The following B3GALT1 variants were observed in gnomAD, a reference collection of about 807,000 sequenced individuals.
The protein encoded by B3GALT1 is beta-1,3-galactosyltransferase 1.
In B3GALT1, 10 loss-of-function variants were observed where a neutral mutation model predicts 23.2. The observed-to-expected ratio is 0.43, with a 90% CI of 0.27 to 0.73. The LOEUF (loss-of-function observed/expected upper bound fraction) is 0.73, where lower values mean the gene tolerates loss of function less well. B3GALT1 is among the 30% of genes least tolerant of loss of function. The pLI, the probability that B3GALT1 is intolerant of heterozygous loss-of-function variation, is 0.21. For synonymous variants in B3GALT1, 156 were observed against 141.5 expected, an observed-to-expected ratio of 1.10 and a Z score of -0.73; for missense variants, 299 against 405.4, an observed-to-expected ratio of 0.74 and a Z score of 2.25.
chr2:167,662,267 G>T (rs963047478), intron 3 of B3GALT1, among the ~76,000 whole-genome samples: 1 of 151,940 alleles, frequency 6.6e-6, no homozygotes, highest in African/African-American at 2.4e-5. Flanking sequence ...TATATAAATA[G>T]CCTGTTCTTT....
intron 3 of B3GALT1, among the ~76,000 whole-genome samples, chr2:167,678,476 A>AT (rs60566692): frequency 0.43 from 65,304 of 151,358 alleles, 15,682 homozygotes; most frequent in Non-Finnish European, 0.54. Flanking sequence ...GCACCTTATT[A>AT]TTTTTTTTAG....
At chr2:167,651,854 C>T (rs193198727) in intron 3 of B3GALT1, among the ~76,000 whole-genome samples, 123 of 152,132 alleles carry the variant, frequency 8.1e-4, no homozygotes, top group African/African-American at 2.9e-3. Context: ...ATGGTGTTAC[C>T]CAGGAAGTAT....
intron 4 of B3GALT1, among the ~76,000 whole-genome samples, chr2:167,854,745 A>G (rs1348630542): frequency 1.3e-5 from 2 of 152,190 alleles, no homozygotes; most frequent in African/African-American, 4.8e-5. Context: ...TTCCAGGAAG[A>G]AAAGCTAAGG....
intron 1 of B3GALT1, among the ~76,000 whole-genome samples, chr2:167,488,575 T>G (rs373620291): frequency 6.6e-6 from 1 of 152,216 alleles, no homozygotes; most frequent in Non-Finnish European, 1.5e-5. Context: ...CTCGGTCCTA[T>G]TGTTTGTCTG....
At position 167,862,061 on chromosome 2, in the gene B3GALT1, T is replaced by C. The variant is rs115912732; in HGVS notation, c.-229-6750T>C. Among the ~76,000 whole-genome samples the C allele has an allele frequency of 5.0e-3, 762 of 152,322 alleles. 7 individuals are homozygous for C. Among genetic ancestry groups the C allele is most frequent in the African/African-American group, 0.017 (716 of 41,576 alleles). On this transcript the variant is annotated intron_variant, in intron 4 of 4. Coordinates refer to ENST00000392690, the MANE Select transcript of B3GALT1 (RefSeq NM_020981.4). ...GATTGCCAAGCCAATTCGGTGTAAC[T>C]GGCAACCAAGACATAAGAAATCAGT...
At chr2:167,695,146 T>C (rs1686773112) in intron 3 of B3GALT1, among the ~76,000 whole-genome samples, 1 of 152,158 alleles carries the variant, frequency 6.6e-6, no homozygotes, top group Non-Finnish European at 1.5e-5. Context: ...AAATCAGAAG[T>C]AAGTTTTACT....
intron 3 of B3GALT1, among the ~76,000 whole-genome samples, chr2:167,778,593 G>C (rs1688200553): frequency 6.6e-6 from 1 of 152,174 alleles, no homozygotes; most frequent in African/African-American, 2.4e-5. Flanking sequence ...ACTCAGAATA[G>C]AGACCCAATA....
intron 1 of B3GALT1, among the ~76,000 whole-genome samples, chr2:167,474,751 C>A (rs922062280): frequency 6.6e-6 from 1 of 152,152 alleles, no homozygotes; most frequent in African/African-American, 2.4e-5. Context: ...ATTCTAGTTT[C>A]TTATTATTAT....
At chr2:167,590,186 A>C (rs1684654478) in intron 2 of B3GALT1, among the ~76,000 whole-genome samples, 1 of 151,992 alleles carries the variant, frequency 6.6e-6, no homozygotes, top group Non-Finnish European at 1.5e-5. Flanking sequence ...CTCTACTAAA[A>C]ATACAAAAAA....
rs1558974697 is a variant in B3GALT1 at position 167,774,473 on chromosome 2, T to TTTTTTTTGTTTG, written c.-351-44192_-351-44191insGTTTGTTTTTTT. ...TCTGTAGTTTTTCTGTGTTTATTGG[T>TTTTTTTTGTTTG]TTTTTTTTTTTGTTTTTTTTTTTGT... On this transcript the variant is annotated intron_variant, in intron 3 of 4. Transcript: ENST00000392690. 3.7e-4 allele frequency among the ~76,000 whole-genome samples: 45 copies of TTTTTTTTGTTTG among 120,492 alleles called. 2 individuals are homozygous for TTTTTTTTGTTTG. The highest frequency in any genetic ancestry group is 5.9e-4 in the Non-Finnish European group (36 of 60,972). The allele number at this position is 120,492 out of a possible 152,430, so 79.0% of individuals were successfully genotyped here.
chr2:167,808,330 T>A (rs1469989252), intron 3 of B3GALT1, among the ~76,000 whole-genome samples: 1 of 151,586 alleles, frequency 6.6e-6, no homozygotes, highest in Non-Finnish European at 1.5e-5. Context: ...TATGTGTGAA[T>A]TTGATCCTGT....
At chr2:167,325,131 A>C (rs145907204) in intron 1 of B3GALT1, among the ~76,000 whole-genome samples, 56 of 152,280 alleles carry the variant, frequency 3.7e-4, no homozygotes, top group African/African-American at 1.3e-3. Context: ...GGTTGATTCT[A>C]TATCATTGAG....
chr2:167,443,535 C>G (rs1197642425), intron 1 of B3GALT1, among the ~76,000 whole-genome samples: 2 of 151,764 alleles, frequency 1.3e-5, no homozygotes, highest in Non-Finnish European at 2.9e-5. Context: ...TTTGTGTCCT[C>G]TTTTATTTCG....
intron 1 of B3GALT1, among the ~76,000 whole-genome samples, chr2:167,444,188 G>C (rs989796844): frequency 2.6e-5 from 4 of 152,192 alleles, no homozygotes; most frequent in Admixed American, 2.0e-4. Context: ...TGCATATTTT[G>C]AACCAGCCTT....
At chr2:167,544,107 G>A (rs1321864215) in intron 2 of B3GALT1, among the ~76,000 whole-genome samples, 1 of 152,126 alleles carries the variant, frequency 6.6e-6, no homozygotes, top group East Asian at 1.9e-4. Flanking sequence ...CAGAATACAT[G>A]CGTCCCCCAG....
At chr2:167,478,742 G>A (rs375089621) in intron 1 of B3GALT1, among the ~76,000 whole-genome samples, 5 of 151,396 alleles carry the variant, frequency 3.3e-5, no homozygotes, top group South Asian at 2.1e-4. Flanking sequence ...ATAGGCCCCG[G>A]TGTGTGATGT....
intron 2 of B3GALT1, among the ~76,000 whole-genome samples, chr2:167,611,404 C>T (rs939390495): frequency 2.0e-5 from 3 of 151,762 alleles, no homozygotes; most frequent in Admixed American, 6.6e-5. Flanking sequence ...AGCCCTTTGT[C>T]GTTTTCTTTC....
At chr2:167,835,595 C>G (rs993476383) in intron 4 of B3GALT1, among the ~76,000 whole-genome samples, 4 of 152,252 alleles carry the variant, frequency 2.6e-5, no homozygotes, top group African/African-American at 4.8e-5. Flanking sequence ...GGCTCCACCT[C>G]TGGGGGCAGG....
At chr2:167,759,805 G>C (rs1269196950) in intron 3 of B3GALT1, among the ~76,000 whole-genome samples, 1 of 152,168 alleles carries the variant, frequency 6.6e-6, no homozygotes, top group Non-Finnish European at 1.5e-5. Flanking sequence ...TCTGTGGTAA[G>C]CTACTGTGTT....
Sources: gnomAD v4.1 joint callset for allele counts (sites outside exome capture counted in the v4.1 genomes callset) on GRCh38, gnomAD v4.1.1 for gene constraint, MANE v1.5 for transcripts, NCBI Gene and HGNC (gene_info 2026-07-23, HGNC 2026-07-21) for gene names.